The following PKIA variants were observed in gnomAD, a reference collection of about 807,000 sequenced individuals.
PKIA encodes the protein cAMP-dependent protein kinase inhibitor alpha.
PKIA carries 4 observed loss-of-function variants against 7.6 expected under a neutral mutation model. That is an observed-to-expected ratio of 0.52 (90% CI 0.26 to 1.20). The LOEUF (loss-of-function observed/expected upper bound fraction) is 1.20, where lower values mean the gene tolerates loss of function less well. PKIA is among the 50% of genes most tolerant of loss of function. The pLI is 0.13. For synonymous variants in PKIA, 21 were observed against 30.7 expected (o/e 0.68, Z 1.04); for missense variants, 73 against 86.2 (o/e 0.85, Z 0.61).
intron 1 of PKIA, among the ~76,000 whole-genome samples, chr8:78,522,841 C>T (rs1809442619): frequency 6.6e-6 from 1 of 151,814 alleles, no homozygotes; most frequent in Non-Finnish European, 1.5e-5. Flanking sequence ...GATTTATGTA[C>T]CTACATTATG....
At chr8:78,524,166 G>GTATAAACATTTATATTTATA (rs1444573876) in intron 1 of PKIA, among the ~76,000 whole-genome samples, 15 of 125,440 alleles carry the variant, frequency 1.2e-4, no homozygotes, top group African/African-American at 2.4e-4. Flanking sequence ...ATAAATATAT[G>GTATAAACATTTATATTTATA]TATAAACATT....
intron 2 of PKIA, among the ~76,000 whole-genome samples, chr8:78,583,783 C>T (rs964631982): frequency 2.6e-5 from 4 of 151,984 alleles, no homozygotes; most frequent in African/African-American, 9.7e-5. Flanking sequence ...TTCCTTAACC[C>T]ATTTATGCCT....
chr8:78,562,775 A>G (rs1585901579), intron 1 of PKIA, among the ~76,000 whole-genome samples: 1 of 139,754 alleles, frequency 7.2e-6, no homozygotes, highest in African/African-American at 2.7e-5. Context: ...CCCCCACCCC[A>G]CTCCCAACAA....
At chr8:78,557,911 G>A (rs1255893821) in intron 1 of PKIA, among the ~76,000 whole-genome samples, 1 of 152,014 alleles carries the variant, frequency 6.6e-6, no homozygotes, top group Non-Finnish European at 1.5e-5. Flanking sequence ...CCAACTATTT[G>A]GTTTTGTAAA....
At chr8:78,584,059 T>G (rs1240967862) in intron 2 of PKIA, among the ~76,000 whole-genome samples, 1 of 152,084 alleles carries the variant, frequency 6.6e-6, no homozygotes, top group Admixed American at 6.6e-5. Context: ...AACAGCTTAT[T>G]TTTAGTTTTC....
chr8:78,593,275 A>G (rs1189561045), intron 2 of PKIA, among the ~76,000 whole-genome samples: 1 of 152,066 alleles, frequency 6.6e-6, no homozygotes, highest in Non-Finnish European at 1.5e-5. Flanking sequence ...GGCGTGCACC[A>G]CTACGCCCAG....
At chr8:78,573,228 C>T (rs1807595702) in intron 2 of PKIA, among the ~76,000 whole-genome samples, 1 of 152,162 alleles carries the variant, frequency 6.6e-6, no homozygotes, top group Admixed American at 6.6e-5. Context: ...AGCAGATTAA[C>T]CCTTTCAGTA....
intron 1 of PKIA, among the ~76,000 whole-genome samples, chr8:78,549,009 C>T (rs967938631): frequency 1.1e-4 from 17 of 152,060 alleles, no homozygotes; most frequent in Middle Eastern, 6.8e-3. Context: ...ACATTAAAAC[C>T]ACATTTCTAC....
At chr8:78,585,034 T>A (rs1807914816) in intron 2 of PKIA, among the ~76,000 whole-genome samples, 1 of 152,040 alleles carries the variant, frequency 6.6e-6, no homozygotes, top group African/African-American at 2.4e-5. Context: ...ATATACAACA[T>A]GTCATGATTT....
intron 2 of PKIA, among the ~76,000 whole-genome samples, chr8:78,590,166 G>C (rs1323503111): frequency 6.6e-6 from 1 of 151,962 alleles, no homozygotes; most frequent in Admixed American, 6.6e-5. Context: ...AGACTCTTCA[G>C]ATGACATAGT....
intron 2 of PKIA, among the ~76,000 whole-genome samples, chr8:78,590,502 C>T (rs1003846245): frequency 3.9e-5 from 6 of 152,140 alleles, no homozygotes; most frequent in African/African-American, 1.4e-4. Flanking sequence ...GCCAGATTCT[C>T]TTATGTACTT....
intron 1 of PKIA, among the ~76,000 whole-genome samples, chr8:78,564,401 A>C (rs906971505): frequency 3.3e-5 from 5 of 152,012 alleles, no homozygotes; most frequent in Non-Finnish European, 7.4e-5. Flanking sequence ...AAATACAATT[A>C]GTATTTTAAA....
intron 2 of PKIA, among the ~76,000 whole-genome samples, 193 bp from the exon 3 acceptor site, chr8:78,598,165 A>G (rs1484862082): frequency 6.7e-6 from 1 of 150,016 alleles, no homozygotes; most frequent in Non-Finnish European, 1.5e-5. Context: ...ATATGTAAAA[A>G]TGTACATATT....
chr8:78,551,788 G>C (rs1806990330), intron 1 of PKIA, among the ~76,000 whole-genome samples: 1 of 151,908 alleles, frequency 6.6e-6, no homozygotes, highest in Non-Finnish European at 1.5e-5. Flanking sequence ...AGTTAGTGGG[G>C]CTCTTCCCGG....
intron 2 of PKIA, among the ~76,000 whole-genome samples, chr8:78,583,224 T>G (rs941100755): frequency 5.9e-5 from 9 of 152,158 alleles, no homozygotes; most frequent in Non-Finnish European, 1.3e-4. Context: ...TTTTTAGACC[T>G]TGAAAAGTTT....
chr8:78,593,397 A>C (rs1291174047), intron 2 of PKIA, among the ~76,000 whole-genome samples: 2 of 152,206 alleles, frequency 1.3e-5, no homozygotes, highest in Non-Finnish European at 2.9e-5. Context: ...CTAGGATTAC[A>C]GGCATGAGCC....
chr8:78,520,192 CAAGTT>C (rs1468142441), intron 1 of PKIA, among the ~76,000 whole-genome samples: 2 of 152,100 alleles, frequency 1.3e-5, no homozygotes, highest in Non-Finnish European at 2.9e-5. Flanking sequence ...CTCTACCAGC[CAAGTT>C]AAGTTCTCAA....
chr8:78,522,659 A>AT lies in PKIA; in HGVS notation c.-157+6198dup, dbSNP rs979688047. 1.2e-4 allele frequency among the ~76,000 whole-genome samples: 18 copies of AT among 151,998 alleles called. No homozygotes were observed. In the South Asian group the frequency reaches 1.2e-3, roughly 11 times the overall value. ...GAGAGAGAAAGTCTCTCAATCATGC[A>AT]TTTTTTTATCATAGATGACAAAGTG... On this transcript the variant is annotated intron_variant, in intron 1 of 3. Transcript: ENST00000396418.
chr8:78,563,609 T>G (rs201969107), intron 1 of PKIA, among the ~76,000 whole-genome samples: 1 of 152,134 alleles, frequency 6.6e-6, no homozygotes, highest in Non-Finnish European at 1.5e-5. Flanking sequence ...CCATTGGCTG[T>G]GGTGAAATGG....
Sources: gnomAD v4.1 joint callset for allele counts (sites outside exome capture counted in the v4.1 genomes callset) on GRCh38, gnomAD v4.1.1 for gene constraint, MANE v1.5 for transcripts, NCBI Gene and HGNC (gene_info 2026-07-23, HGNC 2026-07-21) for gene names.